The following R3HDM1 variants were observed in gnomAD, a reference collection of about 807,000 sequenced individuals.
R3HDM1 encodes the protein R3H domain-containing protein 1.
R3HDM1 carries 46 observed loss-of-function variants against 141.1 expected under a neutral mutation model. That is an observed-to-expected ratio of 0.33 (90% CI 0.26 to 0.42). R3HDM1 has a LOEUF of 0.42. Ranked by LOEUF, R3HDM1 falls within the 10% of genes least tolerant of loss-of-function variation. The pLI is 1.00. For synonymous variants in R3HDM1, 435 were observed against 472.9 expected, an observed-to-expected ratio of 0.92 and a Z score of 1.04; for missense variants, 1,184 against 1,368.3, an observed-to-expected ratio of 0.87 and a Z score of 2.12.
chr2:135,600,640 A>G (rs900077449), intron 1 of R3HDM1, among the ~76,000 whole-genome samples: 2 of 152,182 alleles, frequency 1.3e-5, no homozygotes, highest in Admixed American at 1.3e-4. Context: ...ATGCTAGTGC[A>G]CTTCCCTTTC....
At position 135,636,012 on chromosome 2, in the gene R3HDM1, A is replaced by G. The variant is rs1300025218; in HGVS notation, c.807+14A>G. ...GATGATAACCAGGTAATCTAGAACAATTGTAGGATTTGTATAGGTGCAAGA... is the reference window on the plus strand; with the variant it reads ...GATGATAACCAGGTAATCTAGAACAGTTGTAGGATTTGTATAGGTGCAAGA... On this transcript the variant is annotated intron_variant, in intron 10 of 26. Coordinates refer to ENST00000683871, the MANE Select transcript of R3HDM1 (RefSeq NM_001378107.1). The G allele has an allele frequency of 1.9e-6, 3 of 1,609,092 alleles. No homozygotes were observed. The highest frequency in any genetic ancestry group is 1.7e-5 in the Admixed American group (1 of 58,700).
chr2:135,711,571 G>A (rs182785690), intron 23 of R3HDM1, among the ~76,000 whole-genome samples: 3 of 150,580 alleles, frequency 2.0e-5, no homozygotes, highest in African/African-American at 7.3e-5. Flanking sequence ...GCTGAGGCAA[G>A]ATTGCTTTAT....
intron 9 of R3HDM1, among the ~76,000 whole-genome samples, chr2:135,634,709 C>A (rs2063086017): frequency 6.6e-6 from 1 of 152,116 alleles, no homozygotes; most frequent in Non-Finnish European, 1.5e-5. Context: ...CTGAAAATAT[C>A]ATTACTCAGA....
intron 19 of R3HDM1, chr2:135,667,297 G>C: frequency 1.2e-6 from 1 of 852,660 alleles, no homozygotes; most frequent in East Asian, 1.2e-4. Flanking sequence ...AGTTCTCTTA[G>C]CTTGCAGAAT....
intron 1 of R3HDM1, chr2:135,549,918 A>G (rs1254857373): frequency 2.3e-6 from 2 of 859,408 alleles, no homozygotes; most frequent in Admixed American, 6.2e-5. Flanking sequence ...AATACATTAC[A>G]TATGTATTTC....
intron 22 of R3HDM1, 58 bp downstream of exon 22, chr2:135,709,594 C>A (rs2304367): frequency 0.99 from 1,572,738 of 1,586,016 alleles, 780,208 homozygotes; most frequent in Non-Finnish European, 1. Context: ...AGTTCGATTA[C>A]TTTCCTTAGG....
At chr2:135,548,255 A>C (rs1301051809) in intron 1 of R3HDM1, among the ~76,000 whole-genome samples, 1 of 152,156 alleles carries the variant, frequency 6.6e-6, no homozygotes, top group Non-Finnish European at 1.5e-5. Context: ...AAATTTGATA[A>C]ATTACTCAAT....
chr2:135,650,265 T>G, intron 17 of R3HDM1: 2 of 985,286 alleles, frequency 2.0e-6, no homozygotes, highest in Non-Finnish European at 2.4e-6. Context: ...ATTCTAGTCC[T>G]AAGATGTTTT....
intron 23 of R3HDM1, among the ~76,000 whole-genome samples, chr2:135,714,279 C>T (rs1020317565): frequency 6.6e-6 from 1 of 152,210 alleles, no homozygotes; most frequent in Non-Finnish European, 1.5e-5. Flanking sequence ...CATTACTTCT[C>T]TGGTGTTCCT....
chr2:135,610,712 T>G (rs2060460440), intron 3 of R3HDM1, among the ~76,000 whole-genome samples: 1 of 152,204 alleles, frequency 6.6e-6, no homozygotes, highest in Non-Finnish European at 1.5e-5. Context: ...ATTTCATTAA[T>G]CTGTTAAGAA....
chr2:135,599,625 G>A (rs1465211740), intron 1 of R3HDM1, among the ~76,000 whole-genome samples: 1 of 152,170 alleles, frequency 6.6e-6, no homozygotes, highest in East Asian at 1.9e-4. Flanking sequence ...ACTGAGAAGT[G>A]TAGGCTTCAT....
In R3HDM1 at chr2:135,724,047, C is replaced by T. The variant is rs764323550; in HGVS notation, c.3160C>T (p.Arg1054Trp). The T allele has an allele frequency of 3.7e-6, 6 of 1,613,990 alleles. No homozygotes were observed. In the South Asian group the frequency reaches 6.6e-5, roughly 18 times the overall value. Residue 1054 changes from arginine to tryptophan, a missense_variant, in exon 27 of 27, where the codon CGG (arginine) becomes TGG (tryptophan). Physicochemically the swap from Arg to Trp is moderately radical, Grantham distance 101. Around this residue, in one of 5 missense-constraint regions of R3HDM1, gnomAD observed 182 missense variants for 252.6 expected, o/e 0.72. Coordinates refer to ENST00000683871, the MANE Select transcript of R3HDM1 (RefSeq NM_001378107.1). ...AATTGGCGCCAAGATCCGGTGGCTCCGGGACCCCCAGTCCCAACCACGTCG... is the reference window on the plus strand; with the variant it reads ...AATTGGCGCCAAGATCCGGTGGCTCTGGGACCCCCAGTCCCAACCACGTCG... The part of the protein sequence containing the change: ...FKIGAKIRWL[R>W]DPQSQPRRHP...
At chr2:135,535,306 C>T (rs527537108) in intron 1 of R3HDM1, among the ~76,000 whole-genome samples, 3 of 152,218 alleles carry the variant, frequency 2.0e-5, no homozygotes, top group African/African-American at 7.2e-5. Context: ...CGAGACCAGC[C>T]TGGCCAGTAT....
chr2:135,676,620 G>A (rs569494636), intron 20 of R3HDM1, among the ~76,000 whole-genome samples: 1 of 152,226 alleles, frequency 6.6e-6, no homozygotes, highest in Middle Eastern at 3.4e-3. Flanking sequence ...AGACCATCCT[G>A]GCCAACATAG....
At chr2:135,693,394 A>G (rs2072744983) in intron 21 of R3HDM1, among the ~76,000 whole-genome samples, 1 of 152,332 alleles carries the variant, frequency 6.6e-6, no homozygotes, top group East Asian at 1.9e-4. Context: ...GTGGTCACAA[A>G]TGAAGACCAA....
chr2:135,704,415 A>G (rs1321373512), intron 21 of R3HDM1, among the ~76,000 whole-genome samples: 1 of 152,186 alleles, frequency 6.6e-6, no homozygotes. Flanking sequence ...TTTAAAAGCT[A>G]AACTTTTCAG....
intron 1 of R3HDM1, among the ~76,000 whole-genome samples, chr2:135,541,180 CTTAAAG>C (rs1032189163): frequency 3.9e-5 from 6 of 152,028 alleles, no homozygotes; most frequent in Non-Finnish European, 8.8e-5. Flanking sequence ...CTGTCTTCAA[CTTAAAG>C]TTAAGTATCT....
rs80055179 is a variant in R3HDM1 at position 135,583,059 on chromosome 2, T to C, written c.-249-19441T>C. The stretch of plus-strand genomic sequence containing the variant: ...TGTGTGTCTCTGTTTCTCTGGCTAA[T>C]GTATTTTTATCACACCCAAGAAATT... On this transcript the variant is annotated intron_variant, in intron 1 of 26. Transcript: ENST00000683871. Among the ~76,000 whole-genome samples, 453 of 152,322 alleles carry C rather than the reference T, an allele frequency of 3.0e-3. 3 individuals are homozygous for C. Among genetic ancestry groups the C allele is most frequent in the African/African-American group, 0.01 (422 of 41,572 alleles).
intron 5 of R3HDM1, among the ~76,000 whole-genome samples, chr2:135,618,929 A>G (rs1156750552): frequency 6.6e-6 from 1 of 151,764 alleles, no homozygotes; most frequent in Non-Finnish European, 1.5e-5. Context: ...CTGGGGCAGG[A>G]GAATCGCTTG....
Sources: allele counts gnomAD v4.1 joint callset (sites outside exome capture counted in the v4.1 genomes callset), GRCh38; gene constraint gnomAD v4.1.1; regional missense constraint gnomAD v4.1.1; transcripts MANE v1.5; gene names NCBI Gene and HGNC (gene_info 2026-07-23, HGNC 2026-07-21).